Variants in FAM193A observed in about 807,000 individuals in gnomAD.
FAM193A encodes family with sequence similarity 193 member A.
A neutral mutation model predicts 126.5 loss-of-function variants in FAM193A; 22 were observed. The ratio of observed to expected loss-of-function variants is 0.17; its 90% CI spans 0.12 to 0.25. FAM193A has a LOEUF of 0.25. Among genes scored for constraint, FAM193A ranks in the 10% least tolerant of loss-of-function variants. FAM193A has a pLI of 1.00. For synonymous variants in FAM193A, 761 were observed against 646.8 expected (o/e 1.18, Z -2.68); for missense variants, 1,675 against 1,672.8 (o/e 1.00, Z -0.02).
rs1208622595 is a variant in FAM193A at position 2,722,910 on chromosome 4, A to G, written c.4454+6806A>G. ...ACTCTGGAGCTCAGAGGATTCTCAAACCTTCCAGAGTGCTGGGATTGCAGG... is the reference window on the plus strand; with the variant it reads ...ACTCTGGAGCTCAGAGGATTCTCAAGCCTTCCAGAGTGCTGGGATTGCAGG... On this transcript the variant is annotated intron_variant, in intron 20 of 20. Transcript: ENST00000637812. Among the ~76,000 whole-genome samples the G allele has an allele frequency of 2.0e-5, 3 of 152,236 alleles. No homozygotes were observed. The East Asian group carries it at 5.8e-4, about 29-fold the overall frequency.
intron 2 of FAM193A, among the ~76,000 whole-genome samples, chr4:2,599,314 G>C (rs1741057143): frequency 6.6e-6 from 1 of 151,888 alleles, no homozygotes; most frequent in African/African-American, 2.4e-5. Context: ...TGGAGGGGCT[G>C]CTGCACTTTG....
At chr4:2,541,096 C>T (rs537631110) in intron 1 of FAM193A, among the ~76,000 whole-genome samples, 30 of 151,936 alleles carry the variant, frequency 2.0e-4, no homozygotes, top group South Asian at 6.2e-4. Context: ...CATGGAGAAA[C>T]CCTGTCTCTA....
At chr4:2,625,480 C>T (rs1742857738) in intron 3 of FAM193A, 85 bp downstream of exon 3, 3 of 591,170 alleles carry the variant, frequency 5.1e-6, no homozygotes, top group South Asian at 2.0e-5. Context: ...AGAAACTGGG[C>T]TAATGTGACA....
intron 6 of FAM193A, among the ~76,000 whole-genome samples, chr4:2,643,173 A>T (rs1232069738): frequency 6.6e-6 from 1 of 152,176 alleles, no homozygotes; most frequent in Non-Finnish European, 1.5e-5. Context: ...ACGCCAGGAC[A>T]CGCCATGCCT....
At chr4:2,683,528 A>G (rs1051753853) in intron 13 of FAM193A, among the ~76,000 whole-genome samples, 1 of 152,214 alleles carries the variant, frequency 6.6e-6, no homozygotes, top group South Asian at 2.1e-4. Flanking sequence ...CCCTGACCTC[A>G]GGTGATCGCC....
At chr4:2,577,759 T>G (rs1055419616) in intron 1 of FAM193A, among the ~76,000 whole-genome samples, 2 of 152,190 alleles carry the variant, frequency 1.3e-5, no homozygotes, top group Non-Finnish European at 2.9e-5. Context: ...AGTAACAACT[T>G]GTTCCCATTC....
intron 20 of FAM193A, among the ~76,000 whole-genome samples, chr4:2,718,551 C>T (rs1480824576): frequency 1.3e-5 from 2 of 151,944 alleles, no homozygotes; most frequent in Non-Finnish European, 2.9e-5. Flanking sequence ...TGGTGAAATC[C>T]TGTCTCTACA....
intron 1 of FAM193A, among the ~76,000 whole-genome samples, chr4:2,594,812 TTCTTTTCC>T (rs1351793976): frequency 8.5e-5 from 12 of 140,516 alleles, no homozygotes; most frequent in African/African-American, 2.2e-4. Flanking sequence ...TCTTTTTCTT[TTCTTTTCC>T]TTTTTTTTTT....
intron 19 of FAM193A, among the ~76,000 whole-genome samples, chr4:2,704,555 A>G (rs1203925454): frequency 6.6e-6 from 1 of 151,880 alleles, no homozygotes; most frequent in Non-Finnish European, 1.5e-5. Flanking sequence ...ACAGAGCAAG[A>G]CCCTATCTGA....
intron 1 of FAM193A, among the ~76,000 whole-genome samples, chr4:2,589,581 T>A (rs1257772807): frequency 6.6e-6 from 1 of 152,212 alleles, no homozygotes; most frequent in Non-Finnish European, 1.5e-5. Flanking sequence ...TTACAGAAAT[T>A]ATTTATCACA....
At chr4:2,659,425 T>TACA in intron 8 of FAM193A, 133 bp from the exon 9 acceptor site, 2 of 670,780 alleles carry the variant, frequency 3.0e-6, no homozygotes, top group Non-Finnish European at 5.2e-6. Context: ...GCTGCCCCTG[T>TACA]ATTCCTGGTC....
chr4:2,732,098 G>A lies in FAM193A; in HGVS notation c.*230G>A. 1.8e-6 allele frequency: 1 copy of A among 557,310 alleles called. No individual in the cohort carries two copies. The highest frequency in any genetic ancestry group is 3.1e-5 in the East Asian group (1 of 32,784). 34.5% of individuals were successfully genotyped at this position (557,310 alleles called of 1,614,324 possible). A position where few individuals can be genotyped will look rare whatever the true frequency, so the allele number is the denominator to read the frequency against. On this transcript the variant is annotated 3_prime_UTR_variant, in exon 21 of 21. Coordinates refer to ENST00000637812, the MANE Select transcript of FAM193A (RefSeq NM_001366318.2). ...GATTGTAGCTCTGTGCTGTCGGATT[G>A]GAACAGTAGTTCCCGCCAAGTCCTC...
chr4:2,643,055 G>T (rs191888492), intron 6 of FAM193A, among the ~76,000 whole-genome samples: 3 of 152,128 alleles, frequency 2.0e-5, no homozygotes, highest in South Asian at 2.1e-4. Flanking sequence ...ATCTCAAGCT[G>T]CAGTCTCACT....
At chr4:2,700,869 G>T (rs928629751) in intron 19 of FAM193A, among the ~76,000 whole-genome samples, 4 of 152,148 alleles carry the variant, frequency 2.6e-5, no homozygotes, top group African/African-American at 9.7e-5. Context: ...GGAGGCTGAG[G>T]CAGGAGAATC....
chr4:2,561,685 C>T lies in FAM193A; in HGVS notation c.255+24515C>T, dbSNP rs148796564. Among the ~76,000 whole-genome samples the T allele has an allele frequency of 2.8e-3, 429 of 151,784 alleles. 2 individuals carry two copies. Among genetic ancestry groups the T allele is most frequent in the African/African-American group, 7.8e-3 (322 of 41,396 alleles). On this transcript the variant is annotated intron_variant, in intron 1 of 20. Coordinates refer to ENST00000637812, the MANE Select transcript of FAM193A (RefSeq NM_001366318.2). ...CTAATTTTTGTATGTTTAGTACAGA[C>T]GGGGTTTCACCGTGTTGGCCAGGCT...
At position 2,649,904 on chromosome 4, in the gene FAM193A, C is replaced by T. The variant is rs1031297472; in HGVS notation, c.1311+3072C>T. Among the ~76,000 whole-genome samples, 11 of 152,308 alleles carry T rather than the reference C, an allele frequency of 7.2e-5. 1 individual carries two copies. The Middle Eastern group carries it at 0.014, about 188-fold the overall frequency. ...AGCCACTCCCTATTGCTTGCATTACCGCCTGAACTTCTCATGTCCGATCAG... is the reference window on the plus strand; with the variant it reads ...AGCCACTCCCTATTGCTTGCATTACTGCCTGAACTTCTCATGTCCGATCAG... On this transcript the variant is annotated intron_variant, in intron 7 of 20. Transcript: ENST00000637812.
intron 4 of FAM193A, among the ~76,000 whole-genome samples, chr4:2,629,971 A>G (rs977042650): frequency 1.3e-5 from 2 of 151,894 alleles, no homozygotes; most frequent in African/African-American, 4.8e-5. Context: ...TCTCTACTAA[A>G]AATACAAAAA....
At chr4:2,603,795 G>A (rs1226464530) in intron 2 of FAM193A, among the ~76,000 whole-genome samples, 2 of 151,746 alleles carry the variant, frequency 1.3e-5, no homozygotes, top group African/African-American at 4.8e-5. Context: ...TTTCACCCGT[G>A]AATTATTTAG....
chr4:2,541,199 G>A (rs557280056), intron 1 of FAM193A, among the ~76,000 whole-genome samples: 2 of 152,028 alleles, frequency 1.3e-5, no homozygotes, highest in African/African-American at 2.4e-5. Flanking sequence ...GAACCTGGGA[G>A]GTGGAGATTG....
Sources: allele counts gnomAD v4.1 joint callset (sites outside exome capture counted in the v4.1 genomes callset), GRCh38; gene constraint gnomAD v4.1.1; transcripts MANE v1.5; gene names NCBI Gene and HGNC (gene_info 2026-07-23, HGNC 2026-07-21).